The following WDR7 variants were observed in gnomAD, a reference collection of about 807,000 sequenced individuals.
WDR7 encodes WD repeat domain 7, also known as WD repeat-containing protein 7.
A neutral mutation model predicts 169.4 loss-of-function variants in WDR7; 46 were observed. That is an observed-to-expected ratio of 0.27 (90% CI 0.21 to 0.35). WDR7 has a LOEUF of 0.35. WDR7 is among the 10% of genes least tolerant of loss of function. WDR7 has a pLI of 1.00. For missense variants in WDR7, 1,534 were observed against 1,859.3 expected (o/e 0.83, Z 3.22); for synonymous variants, 612 against 666.8 (o/e 0.92, Z 1.27).
chr18:56,718,620 T>C (rs1209004496), intron 13 of WDR7, among the ~76,000 whole-genome samples: 1 of 152,194 alleles, frequency 6.6e-6, no homozygotes, highest in Non-Finnish European at 1.5e-5. Context: ...AGAAAGTTTA[T>C]GTATTGGGGG....
At chr18:56,711,589 C>T (rs2026087458) in intron 12 of WDR7, among the ~76,000 whole-genome samples, 1 of 151,792 alleles carries the variant, frequency 6.6e-6, no homozygotes, top group East Asian at 1.9e-4. Context: ...AAAACTAGTC[C>T]TTAAAAGTTT....
At chr18:56,866,440 A>T (rs1568238052) in intron 20 of WDR7, among the ~76,000 whole-genome samples, 1 of 152,102 alleles carries the variant, frequency 6.6e-6, no homozygotes, top group Non-Finnish European at 1.5e-5. Flanking sequence ...CACCTTAAGT[A>T]AAAGGTGGAC....
At chr18:57,034,730 T>C (rs2048457365), downstream of WDR7, 2 of 151,960 alleles carry the variant, frequency 1.3e-5, no homozygotes, top group South Asian at 4.2e-4. Context: ...TGTGGAGTGC[T>C]CTGGAAAAAA....
intron 20 of WDR7, among the ~76,000 whole-genome samples, chr18:56,864,210 A>G (rs1008250167): frequency 1.3e-5 from 2 of 151,696 alleles, no homozygotes; most frequent in Non-Finnish European, 3.0e-5. Flanking sequence ...TATTTATACA[A>G]TGTGTATTTA....
chr18:57,003,997 A>G (rs1309113149), intron 26 of WDR7, among the ~76,000 whole-genome samples: 3 of 151,644 alleles, frequency 2.0e-5, no homozygotes, highest in Admixed American at 2.0e-4. Flanking sequence ...CCTCCGCATT[A>G]TATTATACCC....
chr18:56,682,474 T>C (rs1177818635), intron 4 of WDR7, among the ~76,000 whole-genome samples: 1 of 152,218 alleles, frequency 6.6e-6, no homozygotes, highest in Non-Finnish European at 1.5e-5. Context: ...TTTTGTTAGC[T>C]ATTTAAAAAT....
chr18:56,787,209 G>A (rs1390293948), intron 19 of WDR7, among the ~76,000 whole-genome samples: 1 of 152,082 alleles, frequency 6.6e-6, no homozygotes, highest in Non-Finnish European at 1.5e-5. Flanking sequence ...TGATGACTCT[G>A]AGGCAAATGC....
intron 14 of WDR7, among the ~76,000 whole-genome samples, chr18:56,744,033 C>T (rs1312443171): frequency 1.3e-5 from 2 of 151,888 alleles, no homozygotes; most frequent in Non-Finnish European, 2.9e-5. Context: ...GGACGGATCA[C>T]GAGGTCAGGA....
In WDR7 at chr18:56,691,632, A is replaced by G. The variant is rs949495934; in HGVS notation, c.864-83A>G. 1.7e-5 allele frequency: 20 copies of G among 1,190,912 alleles called. No individual in the cohort carries two copies. The South Asian group carries it at 1.7e-4, about 10-fold the overall frequency. The allele number at this position is 1,190,912 out of a possible 1,614,324, so 73.8% of individuals were successfully genotyped here. A position where few individuals can be genotyped will look rare whatever the true frequency, so the allele number is the denominator to read the frequency against. On this transcript the variant is annotated intron_variant, in intron 8 of 27. Coordinates refer to ENST00000254442, the MANE Select transcript of WDR7 (RefSeq NM_015285.3). ...AATTTAAAAATCCCCTTTTTGTCCA[A>G]TACCAACAAACCTTGTCATATGGAA...
chr18:56,826,104 T>A (rs2045198745), intron 20 of WDR7, among the ~76,000 whole-genome samples: 1 of 152,240 alleles, frequency 6.6e-6, no homozygotes, highest in Non-Finnish European at 1.5e-5. Flanking sequence ...TGTGAGTGAA[T>A]AACCTTCAGG....
At chr18:57,005,088 A>G (rs541601558) in intron 26 of WDR7, among the ~76,000 whole-genome samples, 1 of 152,330 alleles carries the variant, frequency 6.6e-6, no homozygotes, top group South Asian at 2.1e-4. Context: ...TGTATTTTAT[A>G]ATACCGTGTC....
At chr18:57,032,777 ATTATG>A (rs2145968694), downstream of WDR7, 1 of 155,632 alleles carries the variant, frequency 6.4e-6, no homozygotes, top group East Asian at 1.8e-4. Flanking sequence ...CTGATTCTAC[ATTATG>A]GTGAGTTGTA....
intron 12 of WDR7, among the ~76,000 whole-genome samples, chr18:56,700,708 T>TA (rs1427328543): frequency 1.3e-5 from 2 of 150,310 alleles, no homozygotes; most frequent in Non-Finnish European, 3.0e-5. Flanking sequence ...TAGCTGGGAC[T>TA]ACAGGCGCCC....
intron 26 of WDR7, among the ~76,000 whole-genome samples, chr18:56,973,170 C>T (rs1035033002): frequency 1.9e-4 from 29 of 152,324 alleles, no homozygotes; most frequent in African/African-American, 6.7e-4. Flanking sequence ...GCCACCGCGC[C>T]CGGCCATGGG....
At chr18:56,733,847 A>G (rs1483579267) in intron 14 of WDR7, among the ~76,000 whole-genome samples, 1 of 152,000 alleles carries the variant, frequency 6.6e-6, no homozygotes, top group East Asian at 1.9e-4. Context: ...AATTCTCCCT[A>G]CTGAAATTCA....
chr18:56,722,545 G>C (rs1270358945), intron 13 of WDR7, among the ~76,000 whole-genome samples: 2 of 152,168 alleles, frequency 1.3e-5, no homozygotes, highest in African/African-American at 4.8e-5. Context: ...AAGACACAGA[G>C]AATGAATGGG....
At chr18:56,859,817 T>C (rs918149822) in intron 20 of WDR7, among the ~76,000 whole-genome samples, 1 of 152,206 alleles carries the variant, frequency 6.6e-6, no homozygotes, top group Non-Finnish European at 1.5e-5. Context: ...TCATATGGCT[T>C]CTACTTTGTG....
intron 1 of WDR7, among the ~76,000 whole-genome samples, chr18:56,662,440 T>C (rs1301428621): frequency 6.6e-6 from 1 of 152,208 alleles, no homozygotes; most frequent in Non-Finnish European, 1.5e-5. Flanking sequence ...TATCGCCCCA[T>C]AGGTCATTGA....
intron 26 of WDR7, among the ~76,000 whole-genome samples, chr18:57,000,664 C>T (rs1354912050): frequency 6.6e-6 from 1 of 152,142 alleles, no homozygotes; most frequent in Non-Finnish European, 1.5e-5. Context: ...TGCAGTGATG[C>T]ACACAGGAAG....
Sources: gnomAD v4.1 joint callset for allele counts (sites outside exome capture counted in the v4.1 genomes callset) on GRCh38, gnomAD v4.1.1 for gene constraint, MANE v1.5 for transcripts, NCBI Gene and HGNC (gene_info 2026-07-23, HGNC 2026-07-21) for gene names.